Variants in ARHGAP40 observed in about 807,000 individuals in gnomAD.
ARHGAP40 encodes the protein Rho GTPase activating protein 40, also known as rho GTPase-activating protein 40.
ARHGAP40 carries 43 observed loss-of-function variants against 73.5 expected under a neutral mutation model. The ratio of observed to expected loss-of-function variants is 0.58; its 90% CI spans 0.46 to 0.75. The LOEUF is 0.75. Ranked by LOEUF, ARHGAP40 falls within the 30% of genes least tolerant of loss-of-function variation. The pLI is 0.00. For missense variants in ARHGAP40, 734 were observed against 861.8 expected, an observed-to-expected ratio of 0.85 and a Z score of 1.86; for synonymous variants, 300 against 352.8, an observed-to-expected ratio of 0.85 and a Z score of 1.68.
intron 6 of ARHGAP40, among the ~76,000 whole-genome samples, chr20:38,635,419 T>C (rs2088968639): frequency 6.6e-6 from 1 of 152,166 alleles, no homozygotes; most frequent in South Asian, 2.1e-4. Context: ...ATGCCAACAA[T>C]TTGGGAGGCC....
exon 1 of ARHGAP40, chr20:38,602,031 C>A: frequency 7.8e-7 from 1 of 1,287,452 alleles, no homozygotes; most frequent in Non-Finnish European, 1.0e-6. Context: ...ATCCCGCGGG[C>A]CCGCATTGCC....
chr20:38,623,012 A>G (rs2088881000), intron 1 of ARHGAP40, among the ~76,000 whole-genome samples: 1 of 152,210 alleles, frequency 6.6e-6, no homozygotes, highest in African/African-American at 2.4e-5. Flanking sequence ...GAGATCCACG[A>G]GACACTGCCC....
intron 8 of ARHGAP40, 95 bp downstream of exon 8, chr20:38,638,933 G>T (rs1178169039): frequency 5.3e-6 from 6 of 1,131,364 alleles, no homozygotes; most frequent in Non-Finnish European, 7.2e-6. Context: ...TGACTCGCCA[G>T]TGATCTGTCT....
intron 6 of ARHGAP40, among the ~76,000 whole-genome samples, chr20:38,636,683 T>A (rs1239025670): frequency 1.3e-5 from 2 of 152,212 alleles, no homozygotes; most frequent in Non-Finnish European, 2.9e-5. Flanking sequence ...TAAGACACAA[T>A]CATTACTGCT....
intron 1 of ARHGAP40, among the ~76,000 whole-genome samples, chr20:38,614,421 G>C (rs2088822539): frequency 6.6e-6 from 1 of 151,972 alleles, no homozygotes; most frequent in African/African-American, 2.4e-5. Context: ...ATAAGCACTG[G>C]TCAGCATCAT....
At chr20:38,649,916 C>A (rs2089078769) in exon 15 of ARHGAP40, 2 of 1,126,600 alleles carry the variant, frequency 1.8e-6, no homozygotes, top group Non-Finnish European at 2.4e-6. Flanking sequence ...GTCCATGTAC[C>A]CAGCATGAGA....
chr20:38,630,918 T>C (rs1445417063), intron 5 of ARHGAP40, among the ~76,000 whole-genome samples: 1 of 152,192 alleles, frequency 6.6e-6, no homozygotes, highest in Admixed American at 6.5e-5. Context: ...ATGCAGTCGA[T>C]GCAATCTTAG....
intron 6 of ARHGAP40, among the ~76,000 whole-genome samples, chr20:38,637,040 T>C (rs536250064): frequency 6.6e-6 from 1 of 152,292 alleles, no homozygotes; most frequent in African/African-American, 2.4e-5. Flanking sequence ...GAATACATTC[T>C]CTAGGACCTG....
chr20:38,641,603 GA>G, intron 9 of ARHGAP40, 122 bp from the exon 10 acceptor site: 3 of 609,998 alleles, frequency 4.9e-6, no homozygotes, highest in Non-Finnish European at 5.0e-6. Context: ...CACACCTTAT[GA>G]AAAAAGGGAT....
chr20:38,637,940 G>GCACTTGCTGGCTCAGA (rs2088987567), intron 7 of ARHGAP40, 141 bp downstream of exon 7: 1 of 505,112 alleles, frequency 2.0e-6, no homozygotes, highest in South Asian at 2.2e-5. Flanking sequence ...TCTGGCTCTG[G>GCACTTGCTGGCTCAGA]CACTTGCTGG....
intron 1 of ARHGAP40, among the ~76,000 whole-genome samples, chr20:38,605,542 T>G (rs768046691): frequency 6.6e-6 from 1 of 152,210 alleles, no homozygotes; most frequent in Non-Finnish European, 1.5e-5. Flanking sequence ...TGGAGTGAGG[T>G]GACTCTGTTG....
chr20:38,642,702 C>G (rs2089026667), intron 10 of ARHGAP40, among the ~76,000 whole-genome samples: 1 of 147,222 alleles, frequency 6.8e-6, no homozygotes, highest in Non-Finnish European at 1.5e-5. Context: ...TTAATCTTTT[C>G]TTTCTCCATT....
chr20:38,650,192 G>A, exon 15 of ARHGAP40: 1 of 382,346 alleles, frequency 2.6e-6, no homozygotes, highest in Admixed American at 3.4e-5. Context: ...CAGCCCTCCA[G>A]AGAGTTGCTT....
intron 1 of ARHGAP40, among the ~76,000 whole-genome samples, chr20:38,622,682 C>T (rs944615411): frequency 2.6e-5 from 4 of 152,282 alleles, no homozygotes; most frequent in African/African-American, 9.6e-5. Context: ...TAGGTTACCC[C>T]ACATCCCTCC....
chr20:38,602,836 A>T (rs1363747966), intron 1 of ARHGAP40, among the ~76,000 whole-genome samples: 2 of 152,202 alleles, frequency 1.3e-5, no homozygotes, highest in Admixed American at 1.3e-4. Context: ...TAACATAAAG[A>T]TCCAATTCAT....
chr20:38,635,511 A>T (rs1439795072), intron 6 of ARHGAP40, among the ~76,000 whole-genome samples: 1 of 152,038 alleles, frequency 6.6e-6, no homozygotes, highest in East Asian at 1.9e-4. Flanking sequence ...AAAAAATAAA[A>T]AAGTAGCCAG....
intron 5 of ARHGAP40, among the ~76,000 whole-genome samples, chr20:38,633,801 A>C (rs1174656689): frequency 6.6e-6 from 1 of 152,186 alleles, no homozygotes; most frequent in Non-Finnish European, 1.5e-5. Context: ...CAGATTCCCA[A>C]GGTGGCCTCT....
Position 38,614,993 on chromosome 20 carries a change from G to A in ARHGAP40, c.138-8366G>A, listed in dbSNP as rs575636449. The A allele has an allele frequency of 9.1e-6, 11 of 1,211,686 alleles. No homozygotes were observed. In the East Asian group the frequency reaches 2.3e-4, roughly 26 times the overall value. 75.1% of individuals were successfully genotyped at this position (1,211,686 alleles called of 1,614,324 possible). On this transcript the variant is annotated intron_variant, in intron 1 of 14. Transcript: ENST00000373345. Reference sequence around the variant, plus strand: ...ACGTGTGGTTGAGCGCTTGTGTGAGGAAAGTCCCGCTGGGGTTGATCTCCA... The same window carrying A: ...ACGTGTGGTTGAGCGCTTGTGTGAGAAAAGTCCCGCTGGGGTTGATCTCCA...
chr20:38,643,815 C>T (rs1476944438), exon 11 of ARHGAP40: 8 of 1,305,550 alleles, frequency 6.1e-6, no homozygotes, highest in Middle Eastern at 4.3e-4. Context: ...CCAAGGGCGG[C>T]CCCCCAAGCT....
Sources: allele counts gnomAD v4.1 joint callset (sites outside exome capture counted in the v4.1 genomes callset), GRCh38; gene constraint gnomAD v4.1.1; transcripts MANE v1.5; gene names NCBI Gene and HGNC (gene_info 2026-07-23, HGNC 2026-07-21).